The following LIPG variants were observed in gnomAD, a reference collection of about 807,000 sequenced individuals.
LIPG encodes the protein lipase G, endothelial type.
Under a neutral mutation model 51.8 loss-of-function variants are expected in LIPG, and 34 were observed. That is an observed-to-expected ratio of 0.66 (90% CI 0.50 to 0.87). The LOEUF is 0.87. Among genes scored for constraint, LIPG ranks in the 40% least tolerant of loss-of-function variants. The pLI is 0.00. For synonymous variants in LIPG, 246 were observed against 246.1 expected, an observed-to-expected ratio of 1.00 and a Z score of 0.00; for missense variants, 580 against 652.7, an observed-to-expected ratio of 0.89 and a Z score of 1.21.
rs2084555277 is a variant in LIPG at position 49,562,068 on chromosome 18, C to T, written c.-241C>T. ...TATAGGAGCGTGACAGCAGCGAGTC[C>T]TTGCCTCCCGGCGGCTCAGGACGAG... On this transcript the variant is annotated 5_prime_UTR_variant, in exon 1 of 10. Transcript: ENST00000261292. 1.4e-6 allele frequency: 2 copies of T among 1,440,332 alleles called. No homozygotes were observed. The highest frequency in any genetic ancestry group is 2.8e-5 in the Admixed American group (1 of 35,238). 89.2% of individuals were successfully genotyped at this position (1,440,332 alleles called of 1,614,324 possible).
Position 49,591,760 on chromosome 18 carries a change from T to C in LIPG, c.*1238T>C, listed in dbSNP as rs1456302491. 2 of 152,196 alleles carry C rather than the reference T, an allele frequency of 1.3e-5. No individual in the cohort carries two copies. Among genetic ancestry groups the C allele is most frequent in the African/African-American group, 4.8e-5 (2 of 41,450 alleles). 9.4% of individuals were successfully genotyped at this position (152,196 alleles called of 1,614,324 possible). On this transcript the variant is annotated 3_prime_UTR_variant, in exon 10 of 10. Transcript: ENST00000261292. ...TCAAAAGATTTGTGTATGCATTGCC[T>C]AATTAGAGTAGGGGGAGAAGGGCAA...
intron 4 of LIPG, among the ~76,000 whole-genome samples, chr18:49,571,061 C>A (rs2084657140): frequency 6.6e-6 from 1 of 152,180 alleles, no homozygotes; most frequent in African/African-American, 2.4e-5. Context: ...CTTGATTCAT[C>A]CCAGCTTGAG....
chr18:49,572,613 C>T (rs1037318407), intron 4 of LIPG, among the ~76,000 whole-genome samples: 1 of 151,790 alleles, frequency 6.6e-6, no homozygotes, highest in African/African-American at 2.4e-5. Context: ...TGCCTGTAAT[C>T]CTAGCTACTC....
At chr18:49,573,314 C>G (rs1022805118) in intron 4 of LIPG, among the ~76,000 whole-genome samples, 1 of 152,206 alleles carries the variant, frequency 6.6e-6, no homozygotes, top group Non-Finnish European at 1.5e-5. Context: ...TTGTCGTGGG[C>G]TGTTCTGGGA....
intron 5 of LIPG, among the ~76,000 whole-genome samples, chr18:49,579,743 T>TCTTTCCTTTCCTTTCCTTTC (rs373290539): frequency 0.012 from 1,544 of 130,710 alleles, 53 homozygotes; most frequent in African/African-American, 0.015. Context: ...TGATGGCCTT[T>TCTTTCCTTTCCTTTCCTTTC]CTTTCCTTTC....
chr18:49,562,210 G>A lies in LIPG; in HGVS notation c.-99G>A. ...GCCTCCAGTCCCCCAGCCCCTGGCC[G>A]AGAGAAGGGTCTTACCGGCCGGGAT... On this transcript the variant is annotated 5_prime_UTR_variant, in exon 1 of 10. Coordinates refer to ENST00000261292, the MANE Select transcript of LIPG (RefSeq NM_006033.4). The A allele has an allele frequency of 4.4e-6, 7 of 1,598,270 alleles. No individual in the cohort carries two copies. The highest frequency in any genetic ancestry group is 3.3e-5 in the South Asian group (3 of 89,640).
At chr18:49,583,876 C>T (rs2084854080) in intron 8 of LIPG, 102 bp downstream of exon 8, 1 of 1,059,776 alleles carries the variant, frequency 9.4e-7, no homozygotes, top group East Asian at 2.6e-5. Context: ...TCAATCCTTC[C>T]CTCCAGCATG....
chr18:49,592,721 T>A lies in LIPG; in HGVS notation c.*2199T>A, dbSNP rs1237080877. ...ATTGAATTCTCAGTGAGTTGTATAT[T>A]TATACACCTGGCTTGAAGCCTTAAT... On this transcript the variant is annotated 3_prime_UTR_variant, in exon 10 of 10. Coordinates refer to ENST00000261292, the MANE Select transcript of LIPG (RefSeq NM_006033.4). The A allele has an allele frequency of 6.6e-6, 1 of 152,196 alleles. No homozygotes were observed. The highest frequency in any genetic ancestry group is 1.5e-5 in the Non-Finnish European group (1 of 68,056). 9.4% of individuals were successfully genotyped at this position (152,196 alleles called of 1,614,324 possible). A position where few individuals can be genotyped will look rare whatever the true frequency, so the allele number is the denominator to read the frequency against.
intron 9 of LIPG, among the ~76,000 whole-genome samples, chr18:49,588,907 C>T (rs2084912703): frequency 1.3e-5 from 2 of 152,108 alleles, no homozygotes; most frequent in Admixed American, 1.3e-4. Context: ...TTAGCTTGGG[C>T]CCAGCCTGCA....
intron 4 of LIPG, 70 bp from the exon 5 acceptor site, chr18:49,575,299 C>A: frequency 8.1e-7 from 1 of 1,241,100 alleles, no homozygotes; most frequent in Non-Finnish European, 1.2e-6. Flanking sequence ...TCAGACTTAA[C>A]TTGTAATCAG....
chr18:49,595,917 T>C lies in LIPG; in HGVS notation c.*5395T>C, dbSNP rs1323484759. The C allele has an allele frequency of 6.6e-6, 1 of 152,146 alleles. No individual in the cohort carries two copies. The highest frequency in any genetic ancestry group is 6.5e-5 in the Admixed American group (1 of 15,282). 9.4% of individuals were successfully genotyped at this position (152,146 alleles called of 1,614,324 possible). ...TATGATAAAAGGGGCCTATTAGTCT[T>C]TGGGAAAGGAATGGATGGATGATGA... On this transcript the variant is annotated 3_prime_UTR_variant, in exon 10 of 10. Transcript: ENST00000261292.
intron 5 of LIPG, among the ~76,000 whole-genome samples, chr18:49,578,112 C>T (rs1258971571): frequency 1.3e-3 from 80 of 60,300 alleles, no homozygotes; most frequent in Middle Eastern, 0.026. Flanking sequence ...GCTGGCCGGG[C>T]GGGGGGCTGA....
chr18:49,569,656 T>A, intron 4 of LIPG, 108 bp downstream of exon 4: 2 of 908,400 alleles, frequency 2.2e-6, no homozygotes, highest in Non-Finnish European at 3.5e-6. Context: ...GGAAGGAACC[T>A]GGAAAGCATC....
At chr18:49,565,619 C>A (rs1600542242) in intron 2 of LIPG, 121 bp downstream of exon 2, 2 of 1,130,470 alleles carry the variant, frequency 1.8e-6, no homozygotes, top group African/African-American at 1.5e-5. Flanking sequence ...TCCTTGTGGG[C>A]TGCTTGTATT....
At chr18:49,563,805 T>C (rs61767886) in intron 1 of LIPG, among the ~76,000 whole-genome samples, 12,292 of 152,146 alleles carry the variant, frequency 0.081, 614 homozygotes, top group Middle Eastern at 0.16. Flanking sequence ...GTAGTAGGAA[T>C]GTACCTAGAG....
chr18:49,581,337 A>G lies in LIPG; in HGVS notation c.794-78A>G. ...CAATAAACAGCTATCACTGTTGAGGAGTACAGTATTTATTATTTGAGTGTC... is the reference window on the plus strand; with the variant it reads ...CAATAAACAGCTATCACTGTTGAGGGGTACAGTATTTATTATTTGAGTGTC... On this transcript the variant is annotated intron_variant, in intron 5 of 9. Transcript: ENST00000261292. 3 of 1,534,138 alleles carry G rather than the reference A, an allele frequency of 2.0e-6. No individual in the cohort carries two copies. The Admixed American group carries it at 5.0e-5, about 26-fold the overall frequency.
At chr18:49,583,886 G>T in intron 8 of LIPG, 112 bp downstream of exon 8, 3 of 1,006,660 alleles carry the variant, frequency 3.0e-6, no homozygotes, top group Non-Finnish European at 4.4e-6. Flanking sequence ...CCTCCAGCAT[G>T]CAGGTAAAAC....
chr18:49,565,556 G>T, intron 2 of LIPG, 58 bp downstream of exon 2: 1 of 1,590,816 alleles, frequency 6.3e-7, no homozygotes, highest in Admixed American at 1.7e-5. Flanking sequence ...CTTTGTTTTG[G>T]TCAATTAGAA....
At chr18:49,569,833 C>G (rs2084645178) in intron 4 of LIPG, among the ~76,000 whole-genome samples, 1 of 152,104 alleles carries the variant, frequency 6.6e-6, no homozygotes, top group Non-Finnish European at 1.5e-5. Flanking sequence ...GTGGGCGTTC[C>G]CCTTCCCTAT....
Sources: gnomAD v4.1 joint callset for allele counts (sites outside exome capture counted in the v4.1 genomes callset) on GRCh38, gnomAD v4.1.1 for gene constraint, MANE v1.5 for transcripts, NCBI Gene and HGNC (gene_info 2026-07-23, HGNC 2026-07-21) for gene names.